TAFA4: variants seen among roughly 807,000 people sequenced by gnomAD.
TAFA4 encodes the protein chemokine-like protein TAFA-4.
In TAFA4, 20 loss-of-function variants were observed where a neutral mutation model predicts 21.1. That is an observed-to-expected ratio of 0.95 (90% CI 0.67 to 1.38). The LOEUF (loss-of-function observed/expected upper bound fraction) is 1.38. Among genes scored for constraint, TAFA4 ranks in the 40% most tolerant of loss-of-function variants. The pLI, the probability that TAFA4 is intolerant of heterozygous loss-of-function variation, is 0.00. For synonymous variants in TAFA4, 71 were observed against 67.4 expected, an observed-to-expected ratio of 1.05 and a Z score of -0.26; for missense variants, 211 against 180.9, an observed-to-expected ratio of 1.17 and a Z score of -0.95.
At chr3:68,894,449 C>T (rs1026122775) in intron 1 of TAFA4, among the ~76,000 whole-genome samples, 1 of 152,206 alleles carries the variant, frequency 6.6e-6, no homozygotes, top group Non-Finnish European at 1.5e-5. Context: ...CCACGCCTGG[C>T]CATGTTACTT....
intron 1 of TAFA4, among the ~76,000 whole-genome samples, chr3:68,914,891 T>C (rs1004770412): frequency 2.0e-5 from 3 of 152,212 alleles, no homozygotes; most frequent in Admixed American, 1.3e-4. Context: ...TATTGATACA[T>C]GAAAGTTAAA....
At chr3:68,807,990 C>T (rs1240974325) in intron 3 of TAFA4, among the ~76,000 whole-genome samples, 1 of 151,920 alleles carries the variant, frequency 6.6e-6, no homozygotes, top group Non-Finnish European at 1.5e-5. Flanking sequence ...TACAGTAGAG[C>T]ATTATATTGG....
intron 3 of TAFA4, among the ~76,000 whole-genome samples, chr3:68,807,468 G>C (rs116558097): frequency 0.023 from 3,482 of 152,274 alleles, 134 homozygotes; most frequent in African/African-American, 0.08. Context: ...ATTGTAGCTT[G>C]TCACAAGAAT....
At chr3:68,801,240 C>T (rs191752936) in intron 3 of TAFA4, among the ~76,000 whole-genome samples, 78 of 152,146 alleles carry the variant, frequency 5.1e-4, no homozygotes, top group African/African-American at 6.0e-4. Context: ...CTCTCATCCA[C>T]GTCCCCCTGG....
chr3:68,835,571 C>T (rs1704503851), intron 3 of TAFA4, among the ~76,000 whole-genome samples: 1 of 152,164 alleles, frequency 6.6e-6, no homozygotes, highest in African/African-American at 2.4e-5. Flanking sequence ...CTAAGGTAAA[C>T]TAGTCGGGTT....
intron 3 of TAFA4, among the ~76,000 whole-genome samples, chr3:68,867,825 G>A (rs1170223400): frequency 1.3e-5 from 2 of 151,580 alleles, no homozygotes; most frequent in African/African-American, 4.8e-5. Flanking sequence ...AACCCTGCGA[G>A]GCAAAAACCT....
chr3:68,840,187 T>C lies in TAFA4; in HGVS notation c.130+40543A>G, dbSNP rs145082957. On this transcript the variant is annotated intron_variant, in intron 3 of 5. Coordinates refer to ENST00000295569, the MANE Select transcript of TAFA4 (RefSeq NM_182522.5). ...GACAGAAATCAAGGTGTTGGCACTT[T>C]TGGTTGGTTGGTTGAATGATTGAAT... 1.8e-3 allele frequency among the ~76,000 whole-genome samples: 272 copies of C among 152,228 alleles called. 1 individual carries two copies. Among genetic ancestry groups the C allele is most frequent in the South Asian group, 3.1e-3 (15 of 4,814 alleles).
Position 68,739,124 on chromosome 3 carries a change from T to C in TAFA4, c.362A>G (p.Asp121Gly). The change falls in exon 5 of 6, where the codon GAT becomes GGT. Residue 121 changes from aspartate to glycine, a missense_variant. By Grantham distance (94) the Asp-to-Gly change is moderately conservative (BLOSUM62 -1). Transcript: ENST00000295569. ...LEGEDCKVLPDYSGWSCSSGN... is the reference protein window; with the variant it reads ...LEGEDCKVLPGYSGWSCSSGN... ...ACTGCTACAGGACCAACCTGAGTAA[T>C]CTGGCAGCACTTTACAATCCTCTCC... The C allele has an allele frequency of 6.2e-7, 1 of 1,614,014 alleles. No individual in the cohort carries two copies. The highest frequency in any genetic ancestry group is 8.5e-7 in the Non-Finnish European group (1 of 1,179,908).
intron 1 of TAFA4, among the ~76,000 whole-genome samples, chr3:68,892,684 C>T (rs1040954066): frequency 3.6e-4 from 55 of 152,306 alleles, no homozygotes; most frequent in African/African-American, 1.3e-3. Context: ...TACACTCTGT[C>T]ACTTTAAGAA....
intron 1 of TAFA4, among the ~76,000 whole-genome samples, chr3:68,887,975 C>T (rs2089690050): frequency 6.6e-6 from 1 of 152,096 alleles, no homozygotes; most frequent in Admixed American, 6.6e-5. Context: ...TTCACATGGC[C>T]AGGCAGAGAG....
chr3:68,855,571 G>A (rs542670157), intron 3 of TAFA4, among the ~76,000 whole-genome samples: 32 of 152,212 alleles, frequency 2.1e-4, no homozygotes, highest in Admixed American at 1.8e-3. Flanking sequence ...ATGTACTGAC[G>A]TAGCGTTTGA....
At chr3:68,762,068 C>T (rs1317762531) in intron 3 of TAFA4, among the ~76,000 whole-genome samples, 1 of 151,256 alleles carries the variant, frequency 6.6e-6, no homozygotes, top group African/African-American at 2.4e-5. Flanking sequence ...AAGACATTTG[C>T]TCATTATTGG....
chr3:68,747,095 T>C (rs981500340), intron 4 of TAFA4, among the ~76,000 whole-genome samples: 3 of 152,232 alleles, frequency 2.0e-5, no homozygotes, highest in Non-Finnish European at 4.4e-5. Context: ...GAGGTTGTGC[T>C]AGTTCATCAG....
At chr3:68,756,323 C>T (rs1702659079) in intron 3 of TAFA4, among the ~76,000 whole-genome samples, 1 of 152,066 alleles carries the variant, frequency 6.6e-6, no homozygotes, top group Admixed American at 6.5e-5. Context: ...TTTTCAAGTA[C>T]CCTCAAGTGT....
chr3:68,744,175 GA>G (rs1702409768), intron 4 of TAFA4, among the ~76,000 whole-genome samples: 1 of 152,218 alleles, frequency 6.6e-6, no homozygotes, highest in South Asian at 2.1e-4. Flanking sequence ...AGAGTTTCAT[GA>G]AAGATTCAAA....
At chr3:68,769,081 C>A (rs988643690) in intron 3 of TAFA4, among the ~76,000 whole-genome samples, 2 of 152,224 alleles carry the variant, frequency 1.3e-5, no homozygotes, top group Admixed American at 1.3e-4. Context: ...CTGTTAGGAA[C>A]TGGGCTGCAC....
chr3:68,809,834 C>T (rs1703793539), intron 3 of TAFA4, among the ~76,000 whole-genome samples: 1 of 152,136 alleles, frequency 6.6e-6, no homozygotes, highest in Non-Finnish European at 1.5e-5. Context: ...TGTGTGTTGG[C>T]ATTGTGTTTT....
At chr3:68,908,809 G>A (rs749921340) in intron 1 of TAFA4, among the ~76,000 whole-genome samples, 10 of 152,262 alleles carry the variant, frequency 6.6e-5, no homozygotes, top group African/African-American at 9.6e-5. Context: ...GTTATACTCC[G>A]AAGTAGCTAG....
At chr3:68,892,311 C>A (rs770890877) in intron 1 of TAFA4, among the ~76,000 whole-genome samples, 10 of 152,038 alleles carry the variant, frequency 6.6e-5, no homozygotes, top group Non-Finnish European at 1.3e-4. Context: ...TGTAAATGAG[C>A]CATTAAAGAC....
Sources: allele counts gnomAD v4.1 joint callset (sites outside exome capture counted in the v4.1 genomes callset), GRCh38; gene constraint gnomAD v4.1.1; transcripts MANE v1.5; gene names NCBI Gene and HGNC (gene_info 2026-07-23, HGNC 2026-07-21).